The following STIM2 variants were observed in gnomAD, a reference collection of about 807,000 sequenced individuals.
STIM2 encodes the protein stromal interaction molecule 2.
A neutral mutation model predicts 85.8 loss-of-function variants in STIM2; 31 were observed. That is an observed-to-expected ratio of 0.36 (90% confidence interval 0.27 to 0.49). STIM2 has a LOEUF of 0.49. Ranked by LOEUF, STIM2 falls within the 20% of genes least tolerant of loss-of-function variation. The probability of loss-of-function intolerance (pLI) is 0.98; values close to 1 mark genes in which losing one functional copy is unlikely to be tolerated. For synonymous variants in STIM2, 356 were observed against 331.1 expected, an observed-to-expected ratio of 1.08 and a Z score of -0.82; for missense variants, 841 against 927.6, an observed-to-expected ratio of 0.91 and a Z score of 1.21.
At chr4:26,949,065 A>G (rs1725951233) in intron 2 of STIM2, among the ~76,000 whole-genome samples, 1 of 152,154 alleles carries the variant, frequency 6.6e-6, no homozygotes, top group South Asian at 2.1e-4. Flanking sequence ...TAATCTTCCA[A>G]TATCACTTTT....
chr4:26,905,417 G>A (rs1242777507), intron 1 of STIM2, among the ~76,000 whole-genome samples: 3 of 152,156 alleles, frequency 2.0e-5, no homozygotes, highest in Non-Finnish European at 4.4e-5. Flanking sequence ...CAAAGGGTGA[G>A]GGACAGTAAT....
intron 3 of STIM2, among the ~76,000 whole-genome samples, chr4:26,980,098 A>T (rs1228322437): frequency 2.0e-5 from 3 of 152,218 alleles, no homozygotes; most frequent in African/African-American, 4.8e-5. Context: ...TGCAAGGATC[A>T]TAATTATCTA....
At chr4:27,021,122 T>C (rs939678306) in intron 11 of STIM2, 15 of 1,438,510 alleles carry the variant, frequency 1.0e-5, no homozygotes, top group Non-Finnish European at 1.4e-5. Context: ...CATTCATTCA[T>C]TCACCCACCC....
At chr4:27,020,896 T>C in intron 11 of STIM2, 1 of 1,020,922 alleles carries the variant, frequency 9.8e-7, no homozygotes, top group Non-Finnish European at 1.5e-6. Flanking sequence ...TGCCTTTCTG[T>C]TCTGCCTTCA....
intron 1 of STIM2, among the ~76,000 whole-genome samples, chr4:26,870,935 G>C (rs1722589960): frequency 6.6e-6 from 1 of 151,094 alleles, no homozygotes; most frequent in Admixed American, 6.6e-5. Context: ...AGAGTAGGAA[G>C]TATGTGCCGA....
At chr4:26,930,759 G>A (rs1165848391) in intron 2 of STIM2, among the ~76,000 whole-genome samples, 1 of 152,014 alleles carries the variant, frequency 6.6e-6, no homozygotes, top group Non-Finnish European at 1.5e-5. Flanking sequence ...AATTATGTGG[G>A]GTATTGTGTC....
chr4:26,976,514 G>C (rs921122543), intron 3 of STIM2, among the ~76,000 whole-genome samples: 8 of 151,098 alleles, frequency 5.3e-5, no homozygotes, highest in African/African-American at 1.7e-4. Flanking sequence ...AGACTCACCT[G>C]CTTTCTTTAT....
At chr4:27,020,721 A>G (rs1246458348) in intron 11 of STIM2, among the ~76,000 whole-genome samples, 1 of 152,226 alleles carries the variant, frequency 6.6e-6, no homozygotes, top group Non-Finnish European at 1.5e-5. Flanking sequence ...AATGATATTA[A>G]TCATAGGCCA....
chr4:26,903,346 T>C (rs776474638), intron 1 of STIM2, among the ~76,000 whole-genome samples: 5 of 152,220 alleles, frequency 3.3e-5, no homozygotes, highest in Non-Finnish European at 7.4e-5. Flanking sequence ...CTTGGAGTTG[T>C]AACCAGAGAG....
chr4:26,989,802 A>T (rs945274907), intron 3 of STIM2, among the ~76,000 whole-genome samples: 3 of 152,190 alleles, frequency 2.0e-5, no homozygotes, highest in Non-Finnish European at 4.4e-5. Flanking sequence ...AGGCAGTAGC[A>T]TCTCTATACA....
At chr4:26,955,129 G>T (rs1281241478) in intron 2 of STIM2, among the ~76,000 whole-genome samples, 2 of 145,542 alleles carry the variant, frequency 1.4e-5, no homozygotes, top group East Asian at 1.9e-4. Flanking sequence ...TGAGCTATAG[G>T]TATCTTCAAA....
intron 1 of STIM2, among the ~76,000 whole-genome samples, chr4:26,867,931 A>G (rs918614815): frequency 6.6e-6 from 1 of 152,168 alleles, no homozygotes; most frequent in Non-Finnish European, 1.5e-5. Context: ...ATTACTAGGA[A>G]AGTTCTAAAT....
At chr4:26,916,740 GT>G (rs60403799) in intron 1 of STIM2, among the ~76,000 whole-genome samples, 62 of 146,494 alleles carry the variant, frequency 4.2e-4, no homozygotes, top group African/African-American at 6.5e-4. Flanking sequence ...AATGTTTTAT[GT>G]TTTTTTTTTT....
At chr4:27,002,184 G>T (rs1198326768) in intron 5 of STIM2, 33 bp from the exon 6 acceptor site, 1 of 1,548,834 alleles carries the variant, frequency 6.5e-7, no homozygotes, top group Non-Finnish European at 8.7e-7. Context: ...CATACTCAAA[G>T]ATTAATTTAA....
chr4:26,970,698 T>C (rs1469808290), intron 3 of STIM2, among the ~76,000 whole-genome samples: 2 of 152,294 alleles, frequency 1.3e-5, no homozygotes, highest in East Asian at 3.9e-4. Context: ...AGTGCCGCAA[T>C]AAACACGTGT....
intron 2 of STIM2, among the ~76,000 whole-genome samples, chr4:26,925,720 A>G (rs1577441265): frequency 1.4e-5 from 1 of 71,494 alleles, no homozygotes; most frequent in Non-Finnish European, 2.3e-5. Flanking sequence ...TTCAGTTAGG[A>G]AAAGAGGAAG....
chr4:26,984,790 C>CCTT, intron 3 of STIM2, among the ~76,000 whole-genome samples: 1 of 152,280 alleles, frequency 6.6e-6, no homozygotes, highest in South Asian at 2.1e-4. Flanking sequence ...GGTAATAAAG[C>CCTT]CTTCCCTCAG....
chr4:26,869,568 G>T (rs1722535704), intron 1 of STIM2, among the ~76,000 whole-genome samples: 1 of 151,884 alleles, frequency 6.6e-6, no homozygotes, highest in Non-Finnish European at 1.5e-5. Flanking sequence ...TCACTCTGTT[G>T]CCCAGGCTGG....
intron 1 of STIM2, chr4:26,861,689 G>T (rs1000144855): frequency 1.4e-5 from 3 of 217,630 alleles, no homozygotes; most frequent in African/African-American, 2.4e-5. Context: ...GCAGGGGACT[G>T]GGCTGATTTT....
Sources: gnomAD v4.1 joint callset for allele counts (sites outside exome capture counted in the v4.1 genomes callset) on GRCh38, gnomAD v4.1.1 for gene constraint, MANE v1.5 for transcripts, NCBI Gene and HGNC (gene_info 2026-07-23, HGNC 2026-07-21) for gene names.